The following ELMO1 variants were observed in gnomAD, a reference collection of about 807,000 sequenced individuals.
ELMO1 encodes the protein engulfment and cell motility 1.
ELMO1 carries 26 observed loss-of-function variants against 98.9 expected under a neutral mutation model. That is an observed-to-expected ratio of 0.26 (90% CI 0.19 to 0.36). The LOEUF (loss-of-function observed/expected upper bound fraction) is 0.36. Among genes scored for constraint, ELMO1 ranks in the 10% least tolerant of loss-of-function variants. The pLI is 1.00. For synonymous variants in ELMO1, 346 were observed against 346.0 expected, an observed-to-expected ratio of 1.00 and a Z score of 0.00; for missense variants, 627 against 935.2, an observed-to-expected ratio of 0.67 and a Z score of 4.30.
chr7:37,068,016 C>G (rs1363784098), intron 15 of ELMO1, among the ~76,000 whole-genome samples: 1 of 152,090 alleles, frequency 6.6e-6, no homozygotes, highest in African/African-American at 2.4e-5. Context: ...ACATTAGAGA[C>G]CAAATACTGG....
intron 16 of ELMO1, among the ~76,000 whole-genome samples, chr7:36,985,741 G>T (rs1392154806): frequency 6.6e-6 from 1 of 152,196 alleles, no homozygotes; most frequent in African/African-American, 2.4e-5. Flanking sequence ...AATCGGATCA[G>T]ACCCAAGCAA....
chr7:37,161,916 A>ATATATATG (rs1342025321), intron 13 of ELMO1, among the ~76,000 whole-genome samples: 2 of 88,164 alleles, frequency 2.3e-5, no homozygotes, highest in African/African-American at 3.6e-5. Flanking sequence ...ATATATATAT[A>ATATATATG]TATATATATA....
chr7:37,200,262 T>G (rs977215991), intron 13 of ELMO1, among the ~76,000 whole-genome samples: 31 of 136,464 alleles, frequency 2.3e-4, no homozygotes, highest in African/African-American at 7.4e-4. Context: ...TTTTTTTTTG[T>G]AGAGACAAGA....
chr7:37,247,142 T>C (rs1795057163), intron 6 of ELMO1, among the ~76,000 whole-genome samples: 1 of 152,184 alleles, frequency 6.6e-6, no homozygotes, highest in African/African-American at 2.4e-5. Context: ...AATTAAACAT[T>C]TTATTGGAGA....
chr7:37,043,771 G>A (rs1346474332), intron 15 of ELMO1, among the ~76,000 whole-genome samples: 1 of 152,094 alleles, frequency 6.6e-6, no homozygotes, highest in African/African-American at 2.4e-5. Flanking sequence ...GTGGCAGCAA[G>A]ACAGTCACAC....
chr7:37,106,148 A>AAGG (rs1318160517), intron 14 of ELMO1, among the ~76,000 whole-genome samples: 1 of 152,242 alleles, frequency 6.6e-6, no homozygotes. Context: ...TGCATTTTAC[A>AAGG]GATGAGGAAG....
At position 37,301,497 on chromosome 7, in the gene ELMO1, C is replaced by G. The variant is rs964392978; in HGVS notation, c.192+13353G>C. ...AGCAAATGAAGCTTGTGCTTGATGACCAAGGTTGCCTTGACTTACGCCATT... is the reference window on the plus strand; with the variant it reads ...AGCAAATGAAGCTTGTGCTTGATGAGCAAGGTTGCCTTGACTTACGCCATT... On this transcript the variant is annotated intron_variant, in intron 4 of 21. Coordinates refer to ENST00000310758, the MANE Select transcript of ELMO1 (RefSeq NM_014800.11). Among the ~76,000 whole-genome samples the G allele has an allele frequency of 3.3e-5, 5 of 152,238 alleles. No homozygotes were observed. In the South Asian group the frequency reaches 1.0e-3, roughly 32 times the overall value.
At chr7:37,404,024 G>A (rs535936803) in intron 1 of ELMO1, among the ~76,000 whole-genome samples, 25 of 152,134 alleles carry the variant, frequency 1.6e-4, no homozygotes, top group Middle Eastern at 3.4e-3. Context: ...GGAACTCACT[G>A]TGCTATCTAG....
intron 4 of ELMO1, among the ~76,000 whole-genome samples, chr7:37,292,210 G>C (rs76935126): frequency 1.0e-5 from 1 of 96,654 alleles, no homozygotes; most frequent in African/African-American, 3.0e-5. Flanking sequence ...TCGGCCTCCC[G>C]AGGTGCCGGG....
At chr7:36,923,405 C>T (rs1431390385) in intron 16 of ELMO1, among the ~76,000 whole-genome samples, 1 of 152,046 alleles carries the variant, frequency 6.6e-6, no homozygotes, top group African/African-American at 2.4e-5. Context: ...GAAAACAGTT[C>T]CAAGGAAGCT....
intron 13 of ELMO1, among the ~76,000 whole-genome samples, chr7:37,190,902 G>A (rs1791524145): frequency 6.6e-6 from 1 of 151,936 alleles, no homozygotes; most frequent in African/African-American, 2.4e-5. Context: ...GAAAATATCT[G>A]GAAAGGCCAG....
At chr7:37,238,214 T>A (rs997007598) in intron 7 of ELMO1, among the ~76,000 whole-genome samples, 2 of 152,196 alleles carry the variant, frequency 1.3e-5, no homozygotes, top group African/African-American at 4.8e-5. Context: ...CTTGTTTAGG[T>A]CTTTATTTCC....
intron 14 of ELMO1, among the ~76,000 whole-genome samples, chr7:37,130,554 A>C (rs938416697): frequency 6.6e-6 from 1 of 152,246 alleles, no homozygotes; most frequent in African/African-American, 2.4e-5. Context: ...AAGGATGAGG[A>C]AAGTGCTCTG....
intron 13 of ELMO1, among the ~76,000 whole-genome samples, chr7:37,168,294 G>A (rs1584753942): frequency 6.6e-6 from 1 of 151,974 alleles, no homozygotes; most frequent in East Asian, 1.9e-4. Context: ...ATTTCCTCCT[G>A]TAGCTCATAG....
chr7:37,187,867 C>T (rs1026021582), intron 13 of ELMO1, among the ~76,000 whole-genome samples: 2 of 152,118 alleles, frequency 1.3e-5, no homozygotes, highest in Non-Finnish European at 2.9e-5. Context: ...CGACACAAGG[C>T]CATTCTTCAA....
intron 16 of ELMO1, among the ~76,000 whole-genome samples, chr7:36,939,195 A>G (rs1380096503): frequency 6.6e-6 from 1 of 150,734 alleles, no homozygotes; most frequent in African/African-American, 2.5e-5. Context: ...TCTCCTAGCC[A>G]CAGCATACAA....
At chr7:37,351,883 G>A (rs139802736) in intron 1 of ELMO1, among the ~76,000 whole-genome samples, 15 of 152,312 alleles carry the variant, frequency 9.8e-5, no homozygotes, top group African/African-American at 3.4e-4. Flanking sequence ...CATCTGTGAC[G>A]TAGCGCTCAG....
At chr7:37,073,381 A>G (rs956403450) in intron 15 of ELMO1, among the ~76,000 whole-genome samples, 4 of 152,218 alleles carry the variant, frequency 2.6e-5, no homozygotes, top group African/African-American at 9.6e-5. Flanking sequence ...GTATTTATGC[A>G]GATAATGTGA....
intron 16 of ELMO1, among the ~76,000 whole-genome samples, chr7:36,910,911 T>C (rs543535744): frequency 1.3e-5 from 2 of 152,220 alleles, no homozygotes; most frequent in African/African-American, 4.8e-5. Flanking sequence ...TCTGTATTTT[T>C]CCCCCAAAAT....
Sources: allele counts gnomAD v4.1 joint callset (sites outside exome capture counted in the v4.1 genomes callset), GRCh38; gene constraint gnomAD v4.1.1; transcripts MANE v1.5; gene names NCBI Gene and HGNC (gene_info 2026-07-23, HGNC 2026-07-21).